Variants in DOCK2 observed in about 807,000 individuals in gnomAD.
The protein encoded by DOCK2 is dedicator of cytokinesis 2, also known as dedicator of cytokinesis protein 2.
DOCK2 carries 87 observed loss-of-function variants against 248.9 expected under a neutral mutation model. That is an observed-to-expected ratio of 0.35 (90% confidence interval 0.29 to 0.42). The LOEUF is 0.42. Among genes scored for constraint, DOCK2 ranks in the 10% least tolerant of loss-of-function variants. The probability of loss-of-function intolerance (pLI) is 1.00; values close to 1 mark genes in which losing one functional copy is unlikely to be tolerated. For synonymous variants in DOCK2, 805 were observed against 821.6 expected (o/e 0.98, Z 0.35); for missense variants, 1,747 against 2,300.2 (o/e 0.76, Z 4.92).
intron 9 of DOCK2, among the ~76,000 whole-genome samples, chr5:169,692,068 A>G (rs181382348): frequency 6.6e-5 from 10 of 152,006 alleles, no homozygotes; most frequent in African/African-American, 1.2e-4. Context: ...GTTGGCCAGG[A>G]TGGTCTTGAT....
intron 22 of DOCK2, among the ~76,000 whole-genome samples, chr5:169,745,533 A>G (rs906610750): frequency 6.6e-6 from 1 of 152,176 alleles, no homozygotes; most frequent in Non-Finnish European, 1.5e-5. Context: ...TGTAGAGCAA[A>G]GCAGTGTGCA....
chr5:170,074,377 A>G (rs575846332), intron 46 of DOCK2, among the ~76,000 whole-genome samples: 24 of 151,976 alleles, frequency 1.6e-4, no homozygotes, highest in African/African-American at 5.8e-4. Context: ...GTGTCTGGTG[A>G]TACTTGGCAT....
intron 27 of DOCK2, among the ~76,000 whole-genome samples, chr5:169,901,381 T>C (rs1195452356): frequency 3.9e-5 from 6 of 152,176 alleles, no homozygotes; most frequent in South Asian, 2.1e-4. Context: ...TTTTGGTTGA[T>C]TTTTGAAAAC....
At chr5:169,794,708 A>T (rs1348481790) in intron 25 of DOCK2, among the ~76,000 whole-genome samples, 1 of 152,254 alleles carries the variant, frequency 6.6e-6, no homozygotes, top group Admixed American at 6.5e-5. Context: ...GCGGATCACG[A>T]GGTCAGGAGA....
intron 27 of DOCK2, among the ~76,000 whole-genome samples, chr5:169,966,001 C>G (rs1777282962): frequency 6.6e-6 from 1 of 152,164 alleles, no homozygotes; most frequent in South Asian, 2.1e-4. Flanking sequence ...ACCTAGGTTT[C>G]CCTAGGATGA....
At chr5:169,909,971 T>G (rs929925769) in intron 27 of DOCK2, among the ~76,000 whole-genome samples, 2 of 152,214 alleles carry the variant, frequency 1.3e-5, no homozygotes, top group Admixed American at 1.3e-4. Flanking sequence ...ACTCAAATTC[T>G]GCACCAGCAT....
At chr5:169,726,769 G>C (rs150651282) in intron 22 of DOCK2, among the ~76,000 whole-genome samples, 214 of 152,314 alleles carry the variant, frequency 1.4e-3, no homozygotes, top group African/African-American at 4.7e-3. Flanking sequence ...AATCACAGTT[G>C]CCTGGGATAA....
At chr5:170,007,477 C>A (rs1035318219) in intron 30 of DOCK2, among the ~76,000 whole-genome samples, 1 of 152,212 alleles carries the variant, frequency 6.6e-6, no homozygotes, top group Non-Finnish European at 1.5e-5. Flanking sequence ...TGATTCATGT[C>A]TTTAAACACA....
At chr5:169,718,568 A>C in intron 21 of DOCK2, 89 bp from the exon 22 acceptor site, 1 of 1,467,108 alleles carries the variant, frequency 6.8e-7, no homozygotes, top group Non-Finnish European at 9.2e-7. Flanking sequence ...TACCACCTTT[A>C]ACCTTTGATT....
chr5:169,826,846 C>T (rs546103391), intron 26 of DOCK2, among the ~76,000 whole-genome samples: 38 of 152,228 alleles, frequency 2.5e-4, no homozygotes, highest in East Asian at 7.7e-4. Flanking sequence ...GATTGGGTGA[C>T]GACTTTTTTT....
intron 22 of DOCK2, among the ~76,000 whole-genome samples, chr5:169,745,235 G>A (rs1763543433): frequency 6.6e-6 from 1 of 152,216 alleles, no homozygotes; most frequent in Admixed American, 6.5e-5. Flanking sequence ...TTTCAGCCAG[G>A]TCAAGGACAG....
chr5:169,946,530 A>G (rs190717489), intron 27 of DOCK2, among the ~76,000 whole-genome samples: 2 of 152,322 alleles, frequency 1.3e-5, no homozygotes, highest in East Asian at 1.9e-4. Flanking sequence ...AAACACTGCA[A>G]AGAACTGGGG....
chr5:170,016,862 C>A (rs1268139015), intron 32 of DOCK2, among the ~76,000 whole-genome samples: 1 of 152,126 alleles, frequency 6.6e-6, no homozygotes, highest in Non-Finnish European at 1.5e-5. Flanking sequence ...AATCAGAAAC[C>A]TAGATTAGCA....
At chr5:169,831,489 G>A (rs1769227518) in intron 26 of DOCK2, among the ~76,000 whole-genome samples, 1 of 152,198 alleles carries the variant, frequency 6.6e-6, no homozygotes, top group Admixed American at 6.5e-5. Flanking sequence ...TTTACCATCT[G>A]CAAAGTGCTG....
intron 40 of DOCK2, 107 bp downstream of exon 40, chr5:170,047,721 T>A: frequency 9.9e-7 from 1 of 1,008,368 alleles, no homozygotes; most frequent in Non-Finnish European, 1.5e-6. Context: ...GCGGTGCTCT[T>A]CTCTGTCTGA....
intron 10 of DOCK2, among the ~76,000 whole-genome samples, chr5:169,696,823 GT>G (rs557131206): frequency 0.013 from 1,751 of 136,994 alleles, 11 homozygotes; most frequent in East Asian, 0.035. Flanking sequence ...TGAGCTCACT[GT>G]TTTTTTTTTT....
At chr5:170,002,580 T>C in intron 30 of DOCK2, among the ~76,000 whole-genome samples, 1 of 152,244 alleles carries the variant, frequency 6.6e-6, no homozygotes, top group East Asian at 1.9e-4. Flanking sequence ...TTTATTTTTT[T>C]AACTATGTGT....
intron 25 of DOCK2, among the ~76,000 whole-genome samples, chr5:169,783,976 G>A (rs1434827544): frequency 6.6e-6 from 1 of 152,172 alleles, no homozygotes; most frequent in Non-Finnish European, 1.5e-5. Flanking sequence ...CAGCATAAAG[G>A]ACTGTTTGAC....
intron 32 of DOCK2, among the ~76,000 whole-genome samples, chr5:170,015,217 C>A (rs1270815781): frequency 6.6e-6 from 1 of 151,266 alleles, no homozygotes; most frequent in Admixed American, 6.6e-5. Context: ...ATGTGCCGGA[C>A]ACTGTGCAGG....
Sources: gnomAD v4.1 joint callset for allele counts (sites outside exome capture counted in the v4.1 genomes callset) on GRCh38, gnomAD v4.1.1 for gene constraint, MANE v1.5 for transcripts, NCBI Gene and HGNC (gene_info 2026-07-23, HGNC 2026-07-21) for gene names.